Variants in MGAT5 observed in about 807,000 individuals in gnomAD.
The protein encoded by MGAT5 is alpha-1,6-mannosylglycoprotein 6-beta-N-acetylglucosaminyltransferase.
Under a neutral mutation model 94.3 loss-of-function variants are expected in MGAT5, and 30 were observed. That is an observed-to-expected ratio of 0.32 (90% CI 0.24 to 0.43). The LOEUF is 0.43. MGAT5 is among the 20% of genes least tolerant of loss of function. The probability of loss-of-function intolerance (pLI) is 1.00; values close to 1 mark genes in which losing one functional copy is unlikely to be tolerated. For missense variants in MGAT5, 691 were observed against 905.5 expected, an observed-to-expected ratio of 0.76 and a Z score of 3.04; for synonymous variants, 310 against 322.9, an observed-to-expected ratio of 0.96 and a Z score of 0.43.
intron 2 of MGAT5, among the ~76,000 whole-genome samples, chr2:134,277,198 C>A (rs1684432401): frequency 6.6e-6 from 1 of 152,076 alleles, no homozygotes; most frequent in African/African-American, 2.4e-5. Context: ...TCTTAGCCTT[C>A]CTCTGGCTGA....
At chr2:134,414,254 G>T (rs1299045116) in intron 12 of MGAT5, among the ~76,000 whole-genome samples, 2 of 151,220 alleles carry the variant, frequency 1.3e-5, no homozygotes, top group African/African-American at 4.9e-5. Context: ...TCATTTATAA[G>T]TCGGCAATAC....
chr2:134,147,819 GA>G (rs1229142731), intron 1 of MGAT5, among the ~76,000 whole-genome samples: 1 of 152,058 alleles, frequency 6.6e-6, no homozygotes, highest in Non-Finnish European at 1.5e-5. Flanking sequence ...GCTTGGATGG[GA>G]AAAAAATAGA....
In MGAT5 at chr2:134,264,855, C is replaced by T. The variant is rs563638074; in HGVS notation, c.242-5531C>T. 1.1e-4 allele frequency among the ~76,000 whole-genome samples: 17 copies of T among 152,274 alleles called. No homozygotes were observed. In the South Asian group the frequency reaches 1.7e-3, roughly 15 times the overall value. On this transcript the variant is annotated intron_variant, in intron 1 of 15. Coordinates refer to ENST00000281923, the MANE Select transcript of MGAT5 (RefSeq NM_002410.5). ...GCTCTGTTGTTCATGCTCTGCCTCT[C>T]GGGCAGCCATGGTGAAAGGGATTTG...
At chr2:134,121,368 G>A (rs1685580238) in intron 1 of MGAT5, among the ~76,000 whole-genome samples, 1 of 152,232 alleles carries the variant, frequency 6.6e-6, no homozygotes, top group Non-Finnish European at 1.5e-5. Context: ...GTGAGCCCAG[G>A]GACGCTCGCG....
intron 2 of MGAT5, among the ~76,000 whole-genome samples, chr2:134,274,495 C>G (rs948883547): frequency 7.2e-5 from 11 of 152,130 alleles, no homozygotes; most frequent in African/African-American, 2.7e-4. Flanking sequence ...TAGTTACAAT[C>G]CTAGATGTGA....
chr2:134,276,226 G>A (rs2680727), intron 2 of MGAT5, among the ~76,000 whole-genome samples: 73,365 of 148,752 alleles, frequency 0.49, 21,449 homozygotes, highest in Non-Finnish European at 0.66. Flanking sequence ...GGCCTCCAAG[G>A]AAAGAGATTT....
At chr2:134,200,405 C>T (rs2105278590) in intron 1 of MGAT5, among the ~76,000 whole-genome samples, 1 of 152,332 alleles carries the variant, frequency 6.6e-6, no homozygotes, top group South Asian at 2.1e-4. Flanking sequence ...GTGATGCTGC[C>T]TTCACAGGAG....
intron 1 of MGAT5, among the ~76,000 whole-genome samples, chr2:134,179,130 A>T (rs1688612571): frequency 1.3e-5 from 2 of 152,214 alleles, no homozygotes; most frequent in South Asian, 4.1e-4. Flanking sequence ...ATTGCAAATA[A>T]GTGTTCTTCT....
At chr2:134,355,258 A>G (rs1328086894) in intron 9 of MGAT5, among the ~76,000 whole-genome samples, 1 of 152,240 alleles carries the variant, frequency 6.6e-6, no homozygotes. Context: ...TGTAACTTTT[A>G]TCTTTTTCAC....
chr2:134,433,801 C>T (rs1476000465), intron 14 of MGAT5, among the ~76,000 whole-genome samples: 1 of 151,624 alleles, frequency 6.6e-6, no homozygotes, highest in East Asian at 1.9e-4. Context: ...GGGACCCAAA[C>T]CCCATTTTCA....
intron 4 of MGAT5, 138 bp from the exon 5 acceptor site, chr2:134,336,079 T>C (rs2105979253): frequency 3.1e-6 from 2 of 641,502 alleles, no homozygotes; most frequent in Non-Finnish European, 5.3e-6. Flanking sequence ...GCTAAAAGCA[T>C]GGGAATTTGG....
chr2:134,171,446 A>G (rs1470528101), intron 1 of MGAT5, among the ~76,000 whole-genome samples: 1 of 152,220 alleles, frequency 6.6e-6, no homozygotes, highest in Non-Finnish European at 1.5e-5. Context: ...AGTTTTGTGC[A>G]GAGGCTCTGT....
At chr2:134,248,495 A>C (rs1573609450) in intron 1 of MGAT5, among the ~76,000 whole-genome samples, 1 of 152,238 alleles carries the variant, frequency 6.6e-6, no homozygotes, top group South Asian at 2.1e-4. Context: ...TGGAGGCTGG[A>C]GATGTGGGTG....
At position 134,454,339 on chromosome 2, in the gene MGAT5, T is replaced by TAATA. The variant is rs1055924783; in HGVS notation, c.*5493_*5496dup. ...TTGTCCTACCCAAGTATTAATAGCA[T>TAATA]AATAGTTGATGCCAAAGGAGATGGT... On this transcript the variant is annotated 3_prime_UTR_variant, in exon 16 of 16. Coordinates refer to ENST00000281923, the MANE Select transcript of MGAT5 (RefSeq NM_002410.5). The TAATA allele has an allele frequency of 2.0e-5, 3 of 152,200 alleles. No individual in the cohort carries two copies. Among genetic ancestry groups the TAATA allele is most frequent in the Admixed American group, 6.5e-5 (1 of 15,282 alleles). The allele number at this position is 152,200 out of a possible 1,614,324, so 9.4% of individuals were successfully genotyped here.
At chr2:134,439,943 C>G (rs1685392657) in intron 14 of MGAT5, among the ~76,000 whole-genome samples, 1 of 152,172 alleles carries the variant, frequency 6.6e-6, no homozygotes, top group East Asian at 1.9e-4. Flanking sequence ...CCTGAGATTA[C>G]TGATCAACTC....
intron 11 of MGAT5, among the ~76,000 whole-genome samples, chr2:134,412,373 TC>T (rs1683719783): frequency 6.6e-6 from 1 of 152,146 alleles, no homozygotes; most frequent in African/African-American, 2.4e-5. Context: ...TTAAAGCAGT[TC>T]CGTTTGAACT....
intron 2 of MGAT5, among the ~76,000 whole-genome samples, chr2:134,284,802 T>G (rs922126532): frequency 2.6e-5 from 4 of 152,180 alleles, no homozygotes; most frequent in African/African-American, 9.7e-5. Context: ...AATGTGCCCA[T>G]TTAATCTGCC....
At chr2:134,177,788 G>A (rs939959995) in intron 1 of MGAT5, among the ~76,000 whole-genome samples, 4 of 152,304 alleles carry the variant, frequency 2.6e-5, no homozygotes, top group East Asian at 1.9e-4. Flanking sequence ...CGGAATGGCC[G>A]ATGCTGACAA....
intron 1 of MGAT5, among the ~76,000 whole-genome samples, chr2:134,202,152 TC>T (rs1316411540): frequency 1.3e-5 from 2 of 152,166 alleles, no homozygotes; most frequent in Non-Finnish European, 2.9e-5. Context: ...ATTCAAAACT[TC>T]ATTTTCTTGT....
Sources: allele counts gnomAD v4.1 joint callset (sites outside exome capture counted in the v4.1 genomes callset), GRCh38; gene constraint gnomAD v4.1.1; transcripts MANE v1.5; gene names NCBI Gene and HGNC (gene_info 2026-07-23, HGNC 2026-07-21).